Variants in GABRG2 observed in about 807,000 individuals in gnomAD.
GABRG2 encodes the protein gamma-aminobutyric acid receptor subunit gamma-2.
In GABRG2, 16 loss-of-function variants were observed where a neutral mutation model predicts 56.4. The observed-to-expected ratio is 0.28, with a 90% CI of 0.19 to 0.43. The LOEUF (loss-of-function observed/expected upper bound fraction) is 0.43, where lower values mean the gene tolerates loss of function less well. Among genes scored for constraint, GABRG2 ranks in the 20% least tolerant of loss-of-function variants. GABRG2 has a pLI of 1.00. For synonymous variants in GABRG2, 208 were observed against 205.5 expected, an observed-to-expected ratio of 1.01 and a Z score of -0.10; for missense variants, 327 against 582.7, an observed-to-expected ratio of 0.56 and a Z score of 4.52.
intron 6 of GABRG2, among the ~76,000 whole-genome samples, chr5:162,118,460 A>G (rs1762774248): frequency 6.6e-6 from 1 of 152,096 alleles, no homozygotes; most frequent in African/African-American, 2.4e-5. Context: ...TGGACATATT[A>G]TCTCTGTCTC....
At chr5:162,070,811 A>G (rs1474311214) in intron 1 of GABRG2, among the ~76,000 whole-genome samples, 1 of 151,988 alleles carries the variant, frequency 6.6e-6, no homozygotes, top group Non-Finnish European at 1.5e-5. Context: ...TATACACTGA[A>G]TGCTTTTGAA....
At position 162,153,517 on chromosome 5, in the gene GABRG2, AT is replaced by A. The variant is rs1765522107; in HGVS notation, c.*151del. 1 of 987,820 alleles carries A rather than the reference AT, an allele frequency of 1.0e-6. No homozygotes were observed. The allele number at this position is 987,820 out of a possible 1,614,324, so 61.2% of individuals were successfully genotyped here. ...AACCTGGTAAATTTTATAATGTCATATTGTTTGTGCCCAGCCCTCCTTTGGT... is the reference window on the plus strand; with the variant it reads ...AACCTGGTAAATTTTATAATGTCATATGTTTGTGCCCAGCCCTCCTTTGGT... On this transcript the variant is annotated 3_prime_UTR_variant, in exon 10 of 10. Transcript: ENST00000639213.
intron 6 of GABRG2, among the ~76,000 whole-genome samples, chr5:162,132,565 T>A (rs1342863827): frequency 1.3e-5 from 2 of 152,040 alleles, no homozygotes; most frequent in Non-Finnish European, 2.9e-5. Flanking sequence ...ATCTAGCACT[T>A]ACCTAACTAT....
intron 2 of GABRG2, 134 bp from the exon 3 acceptor site, chr5:162,095,361 G>A (rs1760920639): frequency 1.5e-6 from 1 of 670,640 alleles, no homozygotes. Flanking sequence ...TGGTGAATTA[G>A]TAACTGGTAC....
intron 2 of GABRG2, 29 bp downstream of exon 2, chr5:162,094,008 T>C (rs754989675): frequency 2.5e-6 from 4 of 1,607,796 alleles, no homozygotes; most frequent in South Asian, 1.1e-5. Flanking sequence ...CGTTGTGCTA[T>C]AGATAGGAGC....
At chr5:162,139,849 A>C (rs1764426107) in intron 6 of GABRG2, among the ~76,000 whole-genome samples, 1 of 152,234 alleles carries the variant, frequency 6.6e-6, no homozygotes, top group Admixed American at 6.5e-5. Flanking sequence ...ATTATTATTT[A>C]AATGAAAAAC....
Position 162,068,024 on chromosome 5 carries a change from A to C in GABRG2, c.25A>C (p.Thr9Pro), listed in dbSNP as rs2113080489. The C allele has an allele frequency of 6.2e-7, 1 of 1,612,642 alleles. No individual in the cohort carries two copies. The highest frequency in any genetic ancestry group is 1.1e-5 in the South Asian group (1 of 91,036). Residue 9 changes from threonine (T) to proline (P), a missense_variant, in exon 1 of 10, where the codon ACA (threonine) becomes CCA (proline). This residue lies in a region of GABRG2 where 73 missense variants were observed against 72.2 expected (regional missense o/e 1.01). Transcript: ENST00000639213. ...GATGAGTTCGCCAAATATATGGAGC[A>C]CAGGAAGCTCAGTCTACTCGACTCC... MSSPNIWS[T>P]GSSVYSTPVF...
At chr5:162,149,762 CG>C in intron 8 of GABRG2, 1 of 410,338 alleles carries the variant, frequency 2.4e-6, no homozygotes, top group South Asian at 1.8e-5. Flanking sequence ...TATAGGCACA[CG>C]CCACCATGCC....
At chr5:162,094,146 G>A (rs751147647) in intron 2 of GABRG2, 167 bp downstream of exon 2, 1 of 676,966 alleles carries the variant, frequency 1.5e-6, no homozygotes, top group South Asian at 1.8e-5. Context: ...GAGTGGGAGA[G>A]GTGTCAATAC....
intron 6 of GABRG2, among the ~76,000 whole-genome samples, chr5:162,108,619 A>G (rs996034792): frequency 1.3e-5 from 2 of 152,120 alleles, no homozygotes; most frequent in Non-Finnish European, 2.9e-5. Context: ...TCAGGTTTTA[A>G]CACCAGCTTT....
intron 1 of GABRG2, among the ~76,000 whole-genome samples, chr5:162,088,171 C>A (rs2113253500): frequency 6.6e-6 from 1 of 152,128 alleles, no homozygotes; most frequent in Non-Finnish European, 1.5e-5. Flanking sequence ...CCCCAATGGC[C>A]CCATCCATTG....
chr5:162,132,246 A>C (rs1581420574), intron 6 of GABRG2, among the ~76,000 whole-genome samples: 1 of 152,022 alleles, frequency 6.6e-6, no homozygotes, highest in African/African-American at 2.4e-5. Flanking sequence ...TCCTGTTTTT[A>C]TAAATTGATG....
chr5:162,120,173 GTTTTATAC>G (rs1762889128), intron 6 of GABRG2, among the ~76,000 whole-genome samples: 1 of 152,080 alleles, frequency 6.6e-6, no homozygotes, highest in Non-Finnish European at 1.5e-5. Context: ...GGTGCTATAT[GTTTTATAC>G]TTGCCTTTCC....
intron 6 of GABRG2, among the ~76,000 whole-genome samples, chr5:162,124,660 T>C (rs144261286): frequency 6.6e-6 from 1 of 151,852 alleles, no homozygotes; most frequent in Non-Finnish European, 1.5e-5. Context: ...GAAGGAAACA[T>C]GAGGAGTGAA....
chr5:162,124,493 C>T (rs527967681), intron 6 of GABRG2, among the ~76,000 whole-genome samples: 3 of 151,712 alleles, frequency 2.0e-5, no homozygotes, highest in African/African-American at 4.8e-5. Context: ...GAGGCCCTCC[C>T]GAGAAAAAGG....
Position 162,153,406 on chromosome 5 carries a change from G to A in GABRG2, c.*38G>A. 1.2e-6 allele frequency: 2 copies of A among 1,601,028 alleles called. No individual in the cohort carries two copies. The highest frequency in any genetic ancestry group is 1.7e-6 in the Non-Finnish European group (2 of 1,168,306). ...TTTACTGATATGGTTCTTATTCACT[G>A]AGTCTCATGGAGAGATGTCTGTTCT... is the stretch of plus-strand genomic sequence containing the variant. On this transcript the variant is annotated 3_prime_UTR_variant, in exon 10 of 10. Transcript: ENST00000639213.
At chr5:162,139,912 C>T (rs1764429644) in intron 6 of GABRG2, among the ~76,000 whole-genome samples, 2 of 152,088 alleles carry the variant, frequency 1.3e-5, no homozygotes, top group East Asian at 1.9e-4. Context: ...ATGCATTTGC[C>T]TTTAGTATTC....
At chr5:162,093,712 TC>T (rs1760783560) in intron 1 of GABRG2, 115 bp from the exon 2 acceptor site, 1 of 974,638 alleles carries the variant, frequency 1.0e-6, no homozygotes, top group South Asian at 1.4e-5. Context: ...GGGAGAATTT[TC>T]AGTTTAAACA....
chr5:162,141,074 T>C (rs1218239008), intron 6 of GABRG2, among the ~76,000 whole-genome samples: 2 of 152,216 alleles, frequency 1.3e-5, no homozygotes, highest in African/African-American at 2.4e-5. Context: ...TCTCACTGTG[T>C]TGCCCAGGCT....
Sources: allele counts gnomAD v4.1 joint callset (sites outside exome capture counted in the v4.1 genomes callset), GRCh38; gene constraint gnomAD v4.1.1; regional missense constraint gnomAD v4.1.1; transcripts MANE v1.5; gene names NCBI Gene and HGNC (gene_info 2026-07-23, HGNC 2026-07-21).